The following EPHA6 variants were observed in gnomAD, a reference collection of about 807,000 sequenced individuals.
EPHA6 encodes EPH receptor A6.
In EPHA6, 50 loss-of-function variants were observed where a neutral mutation model predicts 112.0. The ratio of observed to expected loss-of-function variants is 0.45; its 90% CI spans 0.36 to 0.56. The LOEUF (loss-of-function observed/expected upper bound fraction) is 0.56, where lower values mean the gene tolerates loss of function less well. Among genes scored for constraint, EPHA6 ranks in the 20% least tolerant of loss-of-function variants. The pLI is 0.00. For synonymous variants in EPHA6, 529 were observed against 490.7 expected, an observed-to-expected ratio of 1.08 and a Z score of -1.03; for missense variants, 1,280 against 1,417.4, an observed-to-expected ratio of 0.90 and a Z score of 1.56.
chr3:96,838,776 G>A (rs2034565697), intron 1 of EPHA6, among the ~76,000 whole-genome samples: 1 of 151,952 alleles, frequency 6.6e-6, no homozygotes, highest in South Asian at 2.1e-4. Context: ...ATAAAGAAGA[G>A]GTCACACTGC....
intron 3 of EPHA6, among the ~76,000 whole-genome samples, chr3:97,218,960 C>T (rs2108528642): frequency 6.6e-6 from 1 of 152,196 alleles, no homozygotes; most frequent in African/African-American, 2.4e-5. Context: ...AAAAGGGCTC[C>T]AGGCCTCCTG....
intron 5 of EPHA6, among the ~76,000 whole-genome samples, chr3:97,339,139 C>A (rs937178802): frequency 1.3e-5 from 2 of 152,182 alleles, no homozygotes; most frequent in Non-Finnish European, 2.9e-5. Flanking sequence ...CCTAGACAAA[C>A]CACTTAGTCA....
intron 3 of EPHA6, among the ~76,000 whole-genome samples, chr3:97,045,978 C>G (rs1264215385): frequency 6.6e-6 from 1 of 151,970 alleles, no homozygotes; most frequent in African/African-American, 2.4e-5. Context: ...AGCCAGGAGT[C>G]TGGAAATGAA....
At chr3:97,545,242 C>CT (rs1560120920) in intron 11 of EPHA6, among the ~76,000 whole-genome samples, 1 of 152,004 alleles carries the variant, frequency 6.6e-6, no homozygotes, top group Non-Finnish European at 1.5e-5. Context: ...TTGAATGTGT[C>CT]CCAGAGATTC....
At chr3:97,350,833 AT>A (rs1389415900) in intron 5 of EPHA6, among the ~76,000 whole-genome samples, 1 of 149,936 alleles carries the variant, frequency 6.7e-6, no homozygotes, top group African/African-American at 2.5e-5. Flanking sequence ...AGAAAAAAAA[AT>A]ATATATAATC....
intron 5 of EPHA6, among the ~76,000 whole-genome samples, chr3:97,371,082 TCCAC>T (rs2085023905): frequency 1.5e-5 from 1 of 67,890 alleles, no homozygotes; most frequent in South Asian, 1.1e-3. Context: ...TGCAAGAAGA[TCCAC>T]TTTTTTTTTT....
chr3:97,628,195 C>T (rs948598813), intron 13 of EPHA6, among the ~76,000 whole-genome samples: 9 of 151,944 alleles, frequency 5.9e-5, no homozygotes, highest in East Asian at 1.9e-4. Flanking sequence ...AAACTAGGAT[C>T]GTTGCAGTAG....
chr3:96,836,468 A>G (rs1032578163), intron 1 of EPHA6, among the ~76,000 whole-genome samples: 1 of 152,108 alleles, frequency 6.6e-6, no homozygotes, highest in Admixed American at 6.6e-5. Flanking sequence ...GCAATGGAAT[A>G]CTGTTTGTCA....
intron 3 of EPHA6, among the ~76,000 whole-genome samples, chr3:97,119,510 T>G (rs550883325): frequency 8.6e-5 from 13 of 151,778 alleles, no homozygotes; most frequent in Non-Finnish European, 1.9e-4. Context: ...CAATGCAGTC[T>G]CAAAAATCAA....
chr3:97,153,204 C>T (rs1451364482), intron 3 of EPHA6, among the ~76,000 whole-genome samples: 1 of 152,032 alleles, frequency 6.6e-6, no homozygotes, highest in Admixed American at 6.6e-5. Context: ...AAAGTCAATG[C>T]TTATAACTTC....
intron 3 of EPHA6, among the ~76,000 whole-genome samples, chr3:97,155,092 G>C (rs1386234461): frequency 6.6e-6 from 1 of 152,042 alleles, no homozygotes; most frequent in Non-Finnish European, 1.5e-5. Context: ...GAGATAATTA[G>C]AAGATCAATC....
chr3:97,178,041 T>C (rs942123869), intron 3 of EPHA6, among the ~76,000 whole-genome samples: 1 of 152,072 alleles, frequency 6.6e-6, no homozygotes, highest in Non-Finnish European at 1.5e-5. Context: ...GTTTCTTTCC[T>C]TCCTGTCTTC....
At chr3:96,961,322 T>G (rs942684198) in intron 2 of EPHA6, among the ~76,000 whole-genome samples, 1 of 152,244 alleles carries the variant, frequency 6.6e-6, no homozygotes, top group African/African-American at 2.4e-5. Flanking sequence ...TGTCACTTAC[T>G]TAAGAGATAC....
chr3:97,590,081 A>C (rs887378210), intron 11 of EPHA6: 2 of 152,194 alleles, frequency 1.3e-5, no homozygotes, highest in East Asian at 3.8e-4. Context: ...AGCTTACTTT[A>C]GTGTTTCATG....
At position 97,442,772 on chromosome 3, in the gene EPHA6, A is replaced by G. The variant is rs117522037; in HGVS notation, c.1732-5796A>G. On this transcript the variant is annotated intron_variant, in intron 6 of 17. Coordinates refer to ENST00000389672, the MANE Select transcript of EPHA6 (RefSeq NM_001080448.3). ...CTCTTTCAGCCAGAATATGATGACT[A>G]TGTGTACCCAGGTAGAACTCATTTT... Among the ~76,000 whole-genome samples, 28 of 152,306 alleles carry G rather than the reference A, an allele frequency of 1.8e-4. No homozygotes were observed. The East Asian group carries it at 5.2e-3, about 28-fold the overall frequency.
At chr3:97,353,411 A>G (rs555561856) in intron 5 of EPHA6, among the ~76,000 whole-genome samples, 23 of 151,926 alleles carry the variant, frequency 1.5e-4, no homozygotes, top group African/African-American at 4.8e-4. Context: ...AGACATAACC[A>G]GGCCTGGAAT....
intron 1 of EPHA6, among the ~76,000 whole-genome samples, chr3:96,854,536 C>T (rs558673771): frequency 6.6e-6 from 1 of 151,926 alleles, no homozygotes; most frequent in Non-Finnish European, 1.5e-5. Flanking sequence ...TGTAATCACC[C>T]TGAAGGCAAA....
intron 5 of EPHA6, among the ~76,000 whole-genome samples, chr3:97,397,956 A>C (rs573548843): frequency 2.0e-5 from 3 of 151,592 alleles, no homozygotes; most frequent in Admixed American, 2.0e-4. Context: ...TTTAGGGTTT[A>C]GGACATTTGG....
intron 2 of EPHA6, among the ~76,000 whole-genome samples, chr3:96,951,284 C>T (rs1048009041): frequency 2.0e-5 from 3 of 152,054 alleles, no homozygotes; most frequent in African/African-American, 7.2e-5. Flanking sequence ...ATATTAGTGA[C>T]ATAAAGAAAT....
Sources: gnomAD v4.1 joint callset for allele counts (sites outside exome capture counted in the v4.1 genomes callset) on GRCh38, gnomAD v4.1.1 for gene constraint, MANE v1.5 for transcripts, NCBI Gene and HGNC (gene_info 2026-07-23, HGNC 2026-07-21) for gene names.